The following MORC1 variants were observed in gnomAD, a reference collection of about 807,000 sequenced individuals.
MORC1 encodes the protein MORC family CW-type zinc finger protein 1.
MORC1 carries 59 observed loss-of-function variants against 134.9 expected under a neutral mutation model. That is an observed-to-expected ratio of 0.44 (90% CI 0.35 to 0.54). The LOEUF is 0.54. MORC1 is among the 20% of genes least tolerant of loss of function. The pLI is 0.00. For missense variants in MORC1, 947 were observed against 1,134.5 expected (o/e 0.83, Z 2.37); for synonymous variants, 395 against 391.7 (o/e 1.01, Z -0.10).
chr3:108,973,572 C>T (rs1243141739), intron 24 of MORC1, among the ~76,000 whole-genome samples: 3 of 139,442 alleles, frequency 2.2e-5, no homozygotes, highest in African/African-American at 5.3e-5. Context: ...TTTTTTTGTT[C>T]GTTTTTTGTT....
At chr3:109,009,198 T>A (rs1374810967) in intron 17 of MORC1, among the ~76,000 whole-genome samples, 2 of 134,976 alleles carry the variant, frequency 1.5e-5, no homozygotes, top group African/African-American at 5.7e-5. Context: ...TATTTTTACG[T>A]TTTTTGTTGT....
chr3:109,099,550 G>C (rs1188226173), intron 5 of MORC1, 84 bp from the exon 6 acceptor site: 6 of 972,590 alleles, frequency 6.2e-6, no homozygotes, highest in African/African-American at 1.7e-5. Context: ...ACCGTGTACT[G>C]TAACAGGATG....
At chr3:109,045,567 G>A (rs911863222) in intron 14 of MORC1, among the ~76,000 whole-genome samples, 1 of 152,180 alleles carries the variant, frequency 6.6e-6, no homozygotes, top group Non-Finnish European at 1.5e-5. Context: ...GTGGTGCAAG[G>A]GTAATTGAGG....
chr3:109,114,509 T>G (rs1951230640), intron 1 of MORC1, 72 bp from the exon 2 acceptor site: 1 of 1,351,302 alleles, frequency 7.4e-7, no homozygotes, highest in Non-Finnish European at 1.0e-6. Context: ...TTAAGATTCT[T>G]GCAGACAAAC....
chr3:109,057,549 ACTG>A (rs1388923196), intron 12 of MORC1, 63 bp from the exon 13 acceptor site: 32 of 1,393,162 alleles, frequency 2.3e-5, no homozygotes, highest in Non-Finnish European at 3.0e-5. Flanking sequence ...AGTTTAGGAA[ACTG>A]CTAATAATTA....
chr3:109,097,841 T>G (rs1243088101), intron 6 of MORC1, among the ~76,000 whole-genome samples: 1 of 152,110 alleles, frequency 6.6e-6, no homozygotes, highest in Non-Finnish European at 1.5e-5. Flanking sequence ...GTTTATAAAG[T>G]CTTATAAAGT....
chr3:108,982,652 C>G (rs1947767161), intron 23 of MORC1, among the ~76,000 whole-genome samples: 1 of 147,648 alleles, frequency 6.8e-6, no homozygotes, highest in South Asian at 2.1e-4. Context: ...ATGGGTGCAG[C>G]AAACCAACAT....
chr3:109,102,702 G>T (rs865930392), intron 4 of MORC1, among the ~76,000 whole-genome samples: 21 of 152,188 alleles, frequency 1.4e-4, no homozygotes, highest in Middle Eastern at 6.8e-3. Context: ...TATAAAAAGA[G>T]TTGCTTCTTT....
intron 17 of MORC1, among the ~76,000 whole-genome samples, chr3:109,020,765 A>AAAAAAAAAAAAAAAC (rs545310953): frequency 1.7e-5 from 2 of 120,194 alleles, no homozygotes; most frequent in Non-Finnish European, 1.7e-5. Context: ...ACTCTGTCTC[A>AAAAAAAAAAAAAAAC]AAAAAAAAAA....
Position 109,104,380 on chromosome 3 carries a change from A to G in MORC1, c.155-463T>C, listed in dbSNP as rs1454389932. Among the ~76,000 whole-genome samples the G allele has an allele frequency of 2.6e-5, 4 of 152,226 alleles. No individual in the cohort carries two copies. The South Asian group carries it at 8.3e-4, about 32-fold the overall frequency. ...GCTCCCTTCTAAGTAGTTAATTCTC[A>G]TAAGAGCCATTTGTGAGTGCATCTT... On this transcript the variant is annotated intron_variant, in intron 3 of 27. Transcript: ENST00000232603.
At chr3:109,027,586 T>C in intron 17 of MORC1, among the ~76,000 whole-genome samples, 165 bp downstream of exon 17, 2 of 149,978 alleles carry the variant, frequency 1.3e-5, no homozygotes, top group East Asian at 1.9e-4. Flanking sequence ...TTTACAAAAC[T>C]CACCCTCTAG....
At position 109,010,498 on chromosome 3, in the gene MORC1, T is replaced by C. The variant is rs112554855; in HGVS notation, c.1705-3407A>G. ...TTTAATTTCCTTCTGATGTGCATTT[T>C]AATTTTTCTTTTCTCTAATTTACAG... On this transcript the variant is annotated intron_variant, in intron 17 of 27. Transcript: ENST00000232603. Among the ~76,000 whole-genome samples the C allele has an allele frequency of 7.3e-3, 1,112 of 152,302 alleles. 9 individuals are homozygous for C. Among genetic ancestry groups the C allele is most frequent in the African/African-American group, 0.016 (657 of 41,560 alleles).
chr3:109,047,766 T>C (rs528496849), intron 14 of MORC1, among the ~76,000 whole-genome samples: 5 of 152,318 alleles, frequency 3.3e-5, no homozygotes, highest in East Asian at 1.9e-4. Flanking sequence ...TAGAGTTCAG[T>C]TGCTTCTGTT....
At chr3:108,959,228 A>C in intron 27 of MORC1, 108 bp from the exon 28 acceptor site, 1 of 878,214 alleles carries the variant, frequency 1.1e-6, no homozygotes, top group Non-Finnish European at 1.7e-6. Context: ...CTGCAACAAA[A>C]GCCACCTTAC....
intron 14 of MORC1, among the ~76,000 whole-genome samples, chr3:109,039,269 G>C (rs62272157): frequency 0.2 from 31,028 of 152,090 alleles, 3,512 homozygotes; most frequent in Middle Eastern, 0.33. Flanking sequence ...CAAAGCAGAG[G>C]GTGCTGTAGA....
intron 14 of MORC1, among the ~76,000 whole-genome samples, chr3:109,047,497 A>C (rs1288381699): frequency 6.6e-6 from 1 of 152,168 alleles, no homozygotes; most frequent in Non-Finnish European, 1.5e-5. Context: ...CAATGGTAGT[A>C]ATTTCAATTA....
chr3:109,094,550 T>A (rs933317524), intron 7 of MORC1, among the ~76,000 whole-genome samples: 6 of 152,194 alleles, frequency 3.9e-5, no homozygotes, highest in African/African-American at 9.7e-5. Context: ...TATAAGTTGC[T>A]AACTCTCTTA....
chr3:108,966,419 G>A (rs1947221864), intron 26 of MORC1, among the ~76,000 whole-genome samples: 2 of 152,248 alleles, frequency 1.3e-5, no homozygotes, highest in South Asian at 4.1e-4. Context: ...AAGTGTTTAT[G>A]TTGGCAGTCA....
rs373538455 is a variant in MORC1 at position 109,099,474 on chromosome 3, A to C, written c.315-8T>G. The C allele has an allele frequency of 1.1e-5, 18 of 1,590,004 alleles. No individual in the cohort carries two copies. The highest frequency in any genetic ancestry group is 1.8e-5 in the Admixed American group (1 of 56,020). Reference sequence around the variant, plus strand: ...CCAATTCTCATGGACCCACTATATTAAAAATGAAGAACATCATGTTTTACA... The same window carrying C: ...CCAATTCTCATGGACCCACTATATTCAAAATGAAGAACATCATGTTTTACA... On this transcript the variant is annotated splice_polypyrimidine_tract_variant and splice_region_variant and intron_variant, in intron 5 of 27. Coordinates refer to ENST00000232603, the MANE Select transcript of MORC1 (RefSeq NM_014429.4).
Sources: allele counts gnomAD v4.1 joint callset (sites outside exome capture counted in the v4.1 genomes callset), GRCh38; gene constraint gnomAD v4.1.1; transcripts MANE v1.5; gene names NCBI Gene and HGNC (gene_info 2026-07-23, HGNC 2026-07-21).